The following ADAM23 variants were observed in gnomAD, a reference collection of about 807,000 sequenced individuals.
ADAM23 encodes ADAM metallopeptidase domain 23.
ADAM23 carries 33 observed loss-of-function variants against 120.1 expected under a neutral mutation model. The ratio of observed to expected loss-of-function variants is 0.27; its 90% confidence interval spans 0.21 to 0.37. The LOEUF (loss-of-function observed/expected upper bound fraction) is 0.37. Ranked by LOEUF, ADAM23 falls within the 10% of genes least tolerant of loss-of-function variation. The pLI is 1.00. For missense variants in ADAM23, 862 were observed against 1,058.2 expected, an observed-to-expected ratio of 0.81 and a Z score of 2.57; for synonymous variants, 367 against 375.2, an observed-to-expected ratio of 0.98 and a Z score of 0.25.
chr2:206,617,777 A>G lies in ADAM23; in HGVS notation c.*150A>G. 6.9e-6 allele frequency: 10 copies of G among 1,441,154 alleles called. No individual in the cohort carries two copies. The highest frequency in any genetic ancestry group is 9.2e-6 in the Non-Finnish European group (10 of 1,092,838). 89.3% of individuals were successfully genotyped at this position (1,441,154 alleles called of 1,614,324 possible). On this transcript the variant is annotated 3_prime_UTR_variant, in exon 26 of 26. Transcript: ENST00000264377. ...AAAGTTGGGGTGACAAGGATGGGGT[A>G]AAAGAAAACTGTCTCTTTTGGAAAT...
intron 2 of ADAM23, among the ~76,000 whole-genome samples, chr2:206,465,721 G>T (rs1695529460): frequency 6.6e-6 from 1 of 151,822 alleles, no homozygotes; most frequent in African/African-American, 2.4e-5. Context: ...TTTATTCTTT[G>T]GCACTATTAC....
chr2:206,469,443 A>T (rs1424976939), intron 2 of ADAM23, among the ~76,000 whole-genome samples: 2 of 152,140 alleles, frequency 1.3e-5, no homozygotes. Flanking sequence ...AAGTCTCATC[A>T]ACTCTATTGT....
At chr2:206,591,187 A>G (rs1342750984) in intron 21 of ADAM23, among the ~76,000 whole-genome samples, 1 of 152,124 alleles carries the variant, frequency 6.6e-6, no homozygotes, top group Non-Finnish European at 1.5e-5. Flanking sequence ...TAAGTTGTGA[A>G]ATGTATAAAC....
At chr2:206,447,719 T>G (rs577344505) in intron 2 of ADAM23, among the ~76,000 whole-genome samples, 7 of 152,384 alleles carry the variant, frequency 4.6e-5, no homozygotes, top group Admixed American at 6.5e-5. Context: ...ATTTCTGCTT[T>G]TATGTAAAGA....
At chr2:206,448,758 T>G (rs1199967022) in intron 2 of ADAM23, among the ~76,000 whole-genome samples, 1 of 152,218 alleles carries the variant, frequency 6.6e-6, no homozygotes, top group Non-Finnish European at 1.5e-5. Flanking sequence ...CATGTGGAAC[T>G]TCCTGGAGGG....
rs954113956 is a variant in ADAM23 at position 206,571,934 on chromosome 2, A to G, written c.1656+118A>G. 21 of 773,548 alleles carry G rather than the reference A, an allele frequency of 2.7e-5. 1 individual carries two copies. The highest frequency in any genetic ancestry group is 7.9e-5 in the Admixed American group (3 of 38,136). The allele number at this position is 773,548 out of a possible 1,614,324, so 47.9% of individuals were successfully genotyped here. ...ATTTCTTGGGTACAGTGTACATATT[A>G]GCCTGGCAGTTTTCTAGGATCGATA... is the stretch of plus-strand genomic sequence containing the variant. On this transcript the variant is annotated intron_variant, in intron 17 of 25. Coordinates refer to ENST00000264377, the MANE Select transcript of ADAM23 (RefSeq NM_003812.4).
chr2:206,493,837 C>T lies in ADAM23; in HGVS notation c.509+12529C>T, dbSNP rs996769859. 2.0e-5 allele frequency among the ~76,000 whole-genome samples: 3 copies of T among 152,068 alleles called. No individual in the cohort carries two copies. The East Asian group carries it at 5.8e-4, about 29-fold the overall frequency. ...TCATTTCTTCCTCCTTTCTTTTTTGCCCAAGTGAGTTCACACATCCAATAA... is the reference window on the plus strand; with the variant it reads ...TCATTTCTTCCTCCTTTCTTTTTTGTCCAAGTGAGTTCACACATCCAATAA... On this transcript the variant is annotated intron_variant, in intron 3 of 25. Coordinates refer to ENST00000264377, the MANE Select transcript of ADAM23 (RefSeq NM_003812.4).
At chr2:206,587,173 A>T in intron 18 of ADAM23, 152 bp from the exon 19 acceptor site, 1 of 520,008 alleles carries the variant, frequency 1.9e-6, no homozygotes, top group South Asian at 3.8e-5. Context: ...AGGATAAATA[A>T]TTTGAATTAA....
chr2:206,450,872 C>T (rs927241554), intron 2 of ADAM23, among the ~76,000 whole-genome samples: 6 of 152,132 alleles, frequency 3.9e-5, no homozygotes, highest in African/African-American at 7.2e-5. Context: ...TTGAATCAGG[C>T]GCTGTGCTAG....
Position 206,573,102 on chromosome 2 carries a change from T to C in ADAM23, c.1657-13T>C, listed in dbSNP as rs1465008742. The C allele has an allele frequency of 6.2e-7, 1 of 1,613,494 alleles. No homozygotes were observed. The highest frequency in any genetic ancestry group is 8.5e-7 in the Non-Finnish European group (1 of 1,179,542). On this transcript the variant is annotated splice_polypyrimidine_tract_variant and intron_variant, in intron 17 of 25. Transcript: ENST00000264377. ...TGTAATGCTAACTCTTAATATTGAA[T>C]TTTGATTTGCAGTTTCAGCCACGAG...
At chr2:206,610,686 G>A (rs1221337071) in intron 25 of ADAM23, among the ~76,000 whole-genome samples, 1 of 152,180 alleles carries the variant, frequency 6.6e-6, no homozygotes, top group Admixed American at 6.5e-5. Context: ...ACTGAACTAA[G>A]ATTGTTTAAA....
intron 24 of ADAM23, among the ~76,000 whole-genome samples, chr2:206,604,028 A>G (rs1483672649): frequency 1.3e-5 from 2 of 151,784 alleles, no homozygotes; most frequent in Non-Finnish European, 2.9e-5. Context: ...GCACTTTGGG[A>G]GGCCGAGGCA....
At chr2:206,461,111 G>A (rs1695409209) in intron 2 of ADAM23, among the ~76,000 whole-genome samples, 1 of 144,270 alleles carries the variant, frequency 6.9e-6, no homozygotes, top group African/African-American at 2.6e-5. Flanking sequence ...TGCCCAGGCT[G>A]GAGTGCAGTG....
intron 13 of ADAM23, among the ~76,000 whole-genome samples, chr2:206,563,138 C>CA (rs1697803572): frequency 6.6e-6 from 1 of 152,084 alleles, no homozygotes; most frequent in South Asian, 2.1e-4. Context: ...CGACCTAATG[C>CA]AATCCGGTGG....
chr2:206,517,389 G>A (rs1319887130), intron 3 of ADAM23, among the ~76,000 whole-genome samples: 1 of 152,142 alleles, frequency 6.6e-6, no homozygotes, highest in Non-Finnish European at 1.5e-5. Context: ...AGGTTCCTGT[G>A]GATTCCTGTC....
rs10167752 is a variant in ADAM23, at chr2:206,516,051, C to T, written c.510-14834C>T. On this transcript the variant is annotated intron_variant, in intron 3 of 25. Transcript: ENST00000264377. ...TAAAGGAGTGGAAAATATATTCACC[C>T]AGTTTAAAGAAGAGTAATAAAATGG... 3.6e-3 allele frequency among the ~76,000 whole-genome samples: 545 copies of T among 151,422 alleles called. 3 individuals carry two copies. Among genetic ancestry groups the T allele is most frequent in the African/African-American group, 0.013 (522 of 41,354 alleles).
intron 7 of ADAM23, 51 bp from the exon 8 acceptor site, chr2:206,548,230 C>A: frequency 6.6e-7 from 1 of 1,508,694 alleles, no homozygotes; most frequent in Non-Finnish European, 9.2e-7. Context: ...TTAAAACATA[C>A]TCCCATTGAA....
At chr2:206,507,020 TA>T (rs1696510144) in intron 3 of ADAM23, among the ~76,000 whole-genome samples, 1 of 152,258 alleles carries the variant, frequency 6.6e-6, no homozygotes, top group Non-Finnish European at 1.5e-5. Context: ...GATTGGATTG[TA>T]CCTTACCTTG....
chr2:206,471,959 A>G (rs988468512), intron 2 of ADAM23, among the ~76,000 whole-genome samples: 2 of 152,252 alleles, frequency 1.3e-5, no homozygotes, highest in Admixed American at 1.3e-4. Flanking sequence ...CAAGTGCTCC[A>G]AAGGCTTGTA....
Sources: gnomAD v4.1 joint callset for allele counts (sites outside exome capture counted in the v4.1 genomes callset) on GRCh38, gnomAD v4.1.1 for gene constraint, MANE v1.5 for transcripts, NCBI Gene and HGNC (gene_info 2026-07-23, HGNC 2026-07-21) for gene names.